The following RBM23 variants were observed in gnomAD, a reference collection of about 807,000 sequenced individuals.
RBM23 encodes the protein probable RNA-binding protein 23.
RBM23 carries 53 observed loss-of-function variants against 56.2 expected under a neutral mutation model. The observed-to-expected ratio is 0.94, with a 90% CI of 0.76 to 1.19. The LOEUF is 1.19. Among genes scored for constraint, RBM23 ranks in the 50% most tolerant of loss-of-function variants. The pLI, the probability that RBM23 is intolerant of heterozygous loss-of-function variation, is 0.00. For synonymous variants in RBM23, 197 were observed against 198.5 expected (o/e 0.99, Z 0.06); for missense variants, 642 against 590.3 (o/e 1.09, Z -0.91).
At chr14:22,910,003 A>C (rs1190839097) in intron 2 of RBM23, among the ~76,000 whole-genome samples, 1 of 151,640 alleles carries the variant, frequency 6.6e-6, no homozygotes, top group African/African-American at 2.4e-5. Flanking sequence ...AAATACAAAA[A>C]TTAGCCAGGC....
chr14:22,897,731 T>G lies in RBM23; in HGVS notation c.*3999A>C, dbSNP rs1273197828. On this transcript the variant is annotated 3_prime_UTR_variant, in exon 14 of 14. Transcript: ENST00000359890. ...TCCTCACTGACTCCAAGGCCTTGTC[T>G]TCCATGGTGGTGCTGAGAGGCAGGT... The G allele has an allele frequency of 1.3e-5, 2 of 152,200 alleles. No homozygotes were observed. The highest frequency in any genetic ancestry group is 2.9e-5 in the Non-Finnish European group (2 of 68,038). 9.4% of individuals were successfully genotyped at this position (152,200 alleles called of 1,614,324 possible). A position where few individuals can be genotyped will look rare whatever the true frequency, so the allele number is the denominator to read the frequency against.
chr14:22,909,430 A>G lies in RBM23; in HGVS notation c.179+53T>C, dbSNP rs2042095292. On this transcript the variant is annotated intron_variant, in intron 3 of 13. Coordinates refer to ENST00000359890, the MANE Select transcript of RBM23 (RefSeq NM_001077351.2). ...TATTCTGGTTATTTTTCCAATGGAC[A>G]AAACTGTTTCCCTTCCCCAAGTTGC... 4 of 1,446,344 alleles carry G rather than the reference A, an allele frequency of 2.8e-6. No homozygotes were observed. In the Admixed American group the frequency reaches 6.7e-5, roughly 24 times the overall value. 89.6% of individuals were successfully genotyped at this position (1,446,344 alleles called of 1,614,324 possible).
In RBM23 at chr14:22,906,319, T is replaced by C. The variant is rs369497157; in HGVS notation, c.277A>G (p.Ser93Gly). 5.6e-6 allele frequency: 9 copies of C among 1,614,106 alleles called. No homozygotes were observed. In the African/African-American group the frequency reaches 1.2e-4, roughly 22 times the overall value. ...CGGTGACGACACTGCCGACCTGGAC[T>C]TCGGCTCCGACTATTTCTCCGTCTA... is the stretch of plus-strand genomic sequence containing the variant. ...RYRRRNSRSR[S>G]PGRQCRHRSR... The change falls in exon 5 of 14, where the codon AGT becomes GGT. Residue 93 changes from serine to glycine, a missense_variant. Physicochemically the swap from Ser to Gly is moderately conservative, Grantham distance 56. Transcript: ENST00000359890.
chr14:22,904,787 G>T, intron 9 of RBM23, 88 bp downstream of exon 9: 7 of 1,565,488 alleles, frequency 4.5e-6, no homozygotes, highest in Non-Finnish European at 6.1e-6. Flanking sequence ...GGTTAATCAC[G>T]GCCAGGCACA....
chr14:22,908,476 T>G (rs2041944100), intron 3 of RBM23, 96 bp from the exon 4 acceptor site: 12 of 1,392,178 alleles, frequency 8.6e-6, no homozygotes, highest in African/African-American at 1.5e-5. Flanking sequence ...CACTGCAACC[T>G]CCGCCTTCCA....
chr14:22,912,998 C>CAAAAAAAAAAA (rs58361546), intron 1 of RBM23, among the ~76,000 whole-genome samples: 1 of 35,418 alleles, frequency 2.8e-5, no homozygotes, highest in Non-Finnish European at 4.3e-5. Flanking sequence ...GATTCAGTCT[C>CAAAAAAAAAAA]AAAAAAAAAA....
Position 22,906,345 on chromosome 14 carries a change from T to G in RBM23, c.251A>C (p.Tyr84Ser). 2.5e-6 allele frequency: 4 copies of G among 1,614,218 alleles called. No individual in the cohort carries two copies. Among genetic ancestry groups the G allele is most frequent in the Non-Finnish European group, 3.4e-6 (4 of 1,180,038 alleles). ...TCGGCTCCGACTATTTCTCCGTCTA[T>G]ACCGATCCCGATCTCGACTACGACT... The part of the protein sequence containing the change: ...KRSRSRDRDR[Y>S]RRRNSRSRSP... Residue 84 changes from tyrosine (Y) to serine (S), a missense_variant, in exon 5 of 14, where the codon TAT (tyrosine) becomes TCT (serine). By Grantham distance (144) the Tyr-to-Ser change is moderately radical. Transcript: ENST00000359890.
rs2040271733 is a variant in RBM23, at chr14:22,897,775, T to A, written c.*3955A>T. 1 of 152,216 alleles carries A rather than the reference T, an allele frequency of 6.6e-6. No individual in the cohort carries two copies. The highest frequency in any genetic ancestry group is 1.5e-5 in the Non-Finnish European group (1 of 68,030). 9.4% of individuals were successfully genotyped at this position (152,216 alleles called of 1,614,324 possible). On this transcript the variant is annotated 3_prime_UTR_variant, in exon 14 of 14. Transcript: ENST00000359890. The stretch of plus-strand genomic sequence containing the variant: ...GGCAGGTAAGGTTAAGATCAAGGGA[T>A]CTGAAGCGAGAGTACTTGGATTGGA...
At chr14:22,913,057 A>G (rs1303473132) in intron 1 of RBM23, among the ~76,000 whole-genome samples, 2 of 150,406 alleles carry the variant, frequency 1.3e-5, no homozygotes, top group African/African-American at 4.9e-5. Context: ...AGAAAGCAGA[A>G]AGCACATCAA....
rs77945653 is a variant in RBM23 at position 22,908,902 on chromosome 14, T to C, written c.180-522A>G. On this transcript the variant is annotated intron_variant, in intron 3 of 13. Coordinates refer to ENST00000359890, the MANE Select transcript of RBM23 (RefSeq NM_001077351.2). ...CTGAAGAGGCCATTTTTCCCCCTAA[T>C]GCGAAGCAAAACCTGGTGTTTCCAA... Among the ~76,000 whole-genome samples the C allele has an allele frequency of 8.7e-3, 1,317 of 151,694 alleles. 5 individuals carry two copies. The highest frequency in any genetic ancestry group is 0.021 in the Middle Eastern group (6 of 286).
intron 2 of RBM23, 54 bp downstream of exon 2, chr14:22,911,274 G>A (rs118006771): frequency 0.015 from 20,435 of 1,405,726 alleles, 189 homozygotes; most frequent in Non-Finnish European, 0.016. Context: ...AGTGATGATC[G>A]ACAACTACTC....
chr14:22,918,400 T>TA (rs34898728), intron 1 of RBM23, among the ~76,000 whole-genome samples: 17 of 149,386 alleles, frequency 1.1e-4, no homozygotes, highest in Admixed American at 2.0e-4. Context: ...CTTAAAAAAA[T>TA]AAAAAAAAAG....
Position 22,902,046 on chromosome 14 carries a change from G to GGGAGGC in RBM23, c.1179_1180insGCCTCC (p.Ala393_Gln394insAlaSer). The GGGAGGC allele has an allele frequency of 6.5e-7, 1 of 1,546,500 alleles. No homozygotes were observed. The highest frequency in any genetic ancestry group is 1.2e-5 in the South Asian group (1 of 86,408). ...CCATTCAGTTGCAAGGCAGCAGCCT[G>GGGAGGC]GGCGGCGGCGGCAGCAGCAGCAGCA... On this transcript the variant is annotated inframe_insertion, in exon 12 of 14. Transcript: ENST00000359890.
In RBM23 at chr14:22,893,819, G is replaced by A. The variant is rs775844058; in HGVS notation, c.*7911C>T. The A allele has an allele frequency of 5.3e-5, 8 of 152,220 alleles. No homozygotes were observed. The highest frequency in any genetic ancestry group is 1.2e-4 in the Non-Finnish European group (8 of 68,006). 9.4% of individuals were successfully genotyped at this position (152,220 alleles called of 1,614,324 possible). A position where few individuals can be genotyped will look rare whatever the true frequency, so the allele number is the denominator to read the frequency against. On this transcript the variant is annotated 3_prime_UTR_variant, in exon 14 of 14. Transcript: ENST00000359890. ...TTATCATCTCGGTGACTCCCTGATG[G>A]ATATGCTTAAGGTCCCTTTTCATCT...
At chr14:22,918,371 T>G (rs2043940199) in intron 1 of RBM23, among the ~76,000 whole-genome samples, 1 of 148,860 alleles carries the variant, frequency 6.7e-6, no homozygotes, top group Non-Finnish European at 1.5e-5. Flanking sequence ...CCAGCCTGGG[T>G]GACAAAGCGA....
rs1357508122 is a variant in RBM23 at position 22,896,171 on chromosome 14, G to C, written c.*5559C>G. Reference sequence around the variant, plus strand: ...CAGAGGAGTGAAAATACTGAGGACAGTAATGAGCCAAGTTCCAAACCTTTC... The same window carrying C: ...CAGAGGAGTGAAAATACTGAGGACACTAATGAGCCAAGTTCCAAACCTTTC... On this transcript the variant is annotated 3_prime_UTR_variant, in exon 14 of 14. Transcript: ENST00000359890. 6.6e-6 allele frequency: 1 copy of C among 152,176 alleles called. No individual in the cohort carries two copies. Among genetic ancestry groups the C allele is most frequent in the African/African-American group, 2.4e-5 (1 of 41,434 alleles). The allele number at this position is 152,176 out of a possible 1,614,324, so 9.4% of individuals were successfully genotyped here.
chr14:22,912,998 C>CAAAAAAA (rs58361546), intron 1 of RBM23, among the ~76,000 whole-genome samples: 10 of 35,416 alleles, frequency 2.8e-4, no homozygotes, highest in African/African-American at 1.1e-3. Context: ...GATTCAGTCT[C>CAAAAAAA]AAAAAAAAAA....
In RBM23 at chr14:22,903,134, G is replaced by A. The variant is rs138006374; in HGVS notation, c.931-752C>T. On this transcript the variant is annotated intron_variant, in intron 10 of 13. Coordinates refer to ENST00000359890, the MANE Select transcript of RBM23 (RefSeq NM_001077351.2). ...GAACTCCTAATTCCAGGCTTAAGAGGGAACACACCCTAGTGCTGACAGCAA... is the reference window on the plus strand; with the variant it reads ...GAACTCCTAATTCCAGGCTTAAGAGAGAACACACCCTAGTGCTGACAGCAA... The A allele has an allele frequency of 8.4e-4, 823 of 985,302 alleles. 8 individuals are homozygous for A. In the African/African-American group the frequency reaches 0.013, roughly 16 times the overall value. The allele number at this position is 985,302 out of a possible 1,614,324, so 61.0% of individuals were successfully genotyped here. A position where few individuals can be genotyped will look rare whatever the true frequency, so the allele number is the denominator to read the frequency against.
intron 1 of RBM23, chr14:22,917,519 T>C (rs1243857002): frequency 1.3e-5 from 2 of 152,264 alleles, no homozygotes; most frequent in East Asian, 3.9e-4. Flanking sequence ...AGCAATAAGG[T>C]AGCAAACACT....
Sources: allele counts gnomAD v4.1 joint callset (sites outside exome capture counted in the v4.1 genomes callset), GRCh38; gene constraint gnomAD v4.1.1; transcripts MANE v1.5; gene names NCBI Gene and HGNC (gene_info 2026-07-23, HGNC 2026-07-21).